The following RNF212 variants were observed in gnomAD, a reference collection of about 807,000 sequenced individuals.
RNF212 encodes probable E3 SUMO-protein ligase RNF212.
RNF212 carries 33 observed loss-of-function variants against 34.7 expected under a neutral mutation model. The ratio of observed to expected loss-of-function variants is 0.95; its 90% CI spans 0.72 to 1.27. The LOEUF is 1.27. RNF212 is among the 50% of genes most tolerant of loss of function. The probability of loss-of-function intolerance (pLI) is 0.00; values close to 1 mark genes in which losing one functional copy is unlikely to be tolerated. For synonymous variants in RNF212, 140 were observed against 136.1 expected (o/e 1.03, Z -0.20); for missense variants, 377 against 362.2 (o/e 1.04, Z -0.33).
intron 1 of RNF212, among the ~76,000 whole-genome samples, chr4:1,110,592 T>C (rs1217910166): frequency 6.6e-6 from 1 of 152,210 alleles, no homozygotes; most frequent in Non-Finnish European, 1.5e-5. Flanking sequence ...AGACTTATTT[T>C]AACACGGAAG....
intron 7 of RNF212, among the ~76,000 whole-genome samples, chr4:1,080,481 G>T (rs1387851205): frequency 6.6e-6 from 1 of 152,148 alleles, no homozygotes; most frequent in Admixed American, 6.5e-5. Flanking sequence ...CCCTGTGGGA[G>T]GGTGGACAAA....
chr4:1,105,471 G>T (rs1252592870), intron 2 of RNF212, among the ~76,000 whole-genome samples: 3 of 152,228 alleles, frequency 2.0e-5, no homozygotes, highest in Non-Finnish European at 2.9e-5. Context: ...GATATCTCAG[G>T]TGGTGACACA....
At chr4:1,103,026 C>T (rs1176181944) in intron 2 of RNF212, among the ~76,000 whole-genome samples, 1 of 150,998 alleles carries the variant, frequency 6.6e-6, no homozygotes, top group East Asian at 1.9e-4. Context: ...GCACACTGGT[C>T]AAGAGAAAAG....
chr4:1,099,943 C>T (rs1264969471), intron 2 of RNF212: 1 of 450,658 alleles, frequency 2.2e-6, no homozygotes, highest in Non-Finnish European at 4.5e-6. Context: ...AAAGAGGGCT[C>T]TTATCATCAT....
At position 1,113,414 on chromosome 4, in the gene RNF212, C is replaced by T; in HGVS notation, c.51G>A (p.Thr17=). 2 of 1,606,554 alleles carry T rather than the reference C, an allele frequency of 1.2e-6. No individual in the cohort carries two copies. Among genetic ancestry groups the T allele is most frequent in the Non-Finnish European group, 8.5e-7 (1 of 1,177,560 alleles). Residue 17 remains threonine, a synonymous_variant, in exon 1 of 10, where the codon ACG becomes ACA. Transcript: ENST00000433731. ...CGCAGTTGGTGAGGCTGAAGCACGA[C>T]GTCCTGTGGGGCGGCTGGAAGCAGC... is the stretch of plus-strand genomic sequence containing the variant. ...CNRCFQPPHR[T]SCFSLTNCGH...
Position 1,073,074 on chromosome 4 carries a change from G to GAGGACAGACGTCT in RNF212, c.681_693dup (p.His232ArgfsTer24). The GAGGACAGACGTCT allele has an allele frequency of 6.2e-7, 1 of 1,614,192 alleles. No homozygotes were observed. The highest frequency in any genetic ancestry group is 1.3e-5 in the African/African-American group (1 of 75,048). The stretch of plus-strand genomic sequence containing the variant: ...CTGAACGCTAGGAGGAGCAGCCAGT[G>GAGGACAGACGTCT]AGGACAGACGTCTATGCAGAAACAT... On this transcript the variant is annotated frameshift_variant, in exon 10 of 10. Coordinates refer to ENST00000433731, the MANE Select transcript of RNF212 (RefSeq NM_001131034.4). LOFTEE classifies it low-confidence loss of function (END_TRUNC).
intron 3 of RNF212, among the ~76,000 whole-genome samples, chr4:1,094,916 TC>T (rs1343068298): frequency 6.6e-6 from 1 of 152,212 alleles, no homozygotes; most frequent in Non-Finnish European, 1.5e-5. Flanking sequence ...ATGAACATTG[TC>T]AAAATCAGAA....
chr4:1,069,735 T>C (rs1274592451), downstream of RNF212, among the ~76,000 whole-genome samples: 1 of 152,226 alleles, frequency 6.6e-6, no homozygotes, highest in African/African-American at 2.4e-5. Flanking sequence ...CCGGAGGAAA[T>C]ACCAGACAAC....
chr4:1,067,846 C>T (rs1428571443), downstream of RNF212, among the ~76,000 whole-genome samples: 3 of 143,924 alleles, frequency 2.1e-5, no homozygotes, highest in African/African-American at 5.2e-5. Context: ...CCAGCCTGGG[C>T]GACACAGCGA....
intron 2 of RNF212, among the ~76,000 whole-genome samples, chr4:1,105,374 T>G (rs1293524779): frequency 6.6e-6 from 1 of 152,216 alleles, no homozygotes; most frequent in Non-Finnish European, 1.5e-5. Context: ...TCCCTGGCCA[T>G]CCACCACCCA....
chr4:1,086,448 G>A (rs534598346), intron 4 of RNF212, among the ~76,000 whole-genome samples: 83 of 150,940 alleles, frequency 5.5e-4, no homozygotes, highest in African/African-American at 2.0e-3. Context: ...GGGAGGATTA[G>A]GAGACAACAT....
intron 2 of RNF212, chr4:1,100,498 C>T (rs1723803607): frequency 6.7e-6 from 1 of 149,816 alleles, no homozygotes; most frequent in Non-Finnish European, 1.5e-5. Context: ...ACCTCCACTC[C>T]CCAGGTTCAA....
At chr4:1,070,616 G>T (rs1353333371), downstream of RNF212, among the ~76,000 whole-genome samples, 1 of 151,252 alleles carries the variant, frequency 6.6e-6, no homozygotes, top group African/African-American at 2.4e-5. Flanking sequence ...GTTGTGGGTG[G>T]TTTTGTAGGA....
At chr4:1,085,695 T>C (rs1488769097) in intron 5 of RNF212, 5 of 594,744 alleles carry the variant, frequency 8.4e-6, no homozygotes, top group African/African-American at 5.6e-5. Context: ...CATCTCTTTT[T>C]CACTTTTTCT....
At chr4:1,108,970 G>A (rs1008241585) in intron 1 of RNF212, among the ~76,000 whole-genome samples, 2 of 151,162 alleles carry the variant, frequency 1.3e-5, no homozygotes. Context: ...CAAAGTGCTG[G>A]GATTGTAGGC....
Position 1,072,601 on chromosome 4 carries a change from A to G in RNF212, c.*273T>C. On this transcript the variant is annotated 3_prime_UTR_variant, in exon 10 of 10. Transcript: ENST00000433731. The stretch of plus-strand genomic sequence containing the variant: ...TTTAAAAACCACCCAGTTAGAAAAA[A>G]ATGATTTAAGTATGTGAAAAAAAAA... 1.0e-6 allele frequency: 1 copy of G among 971,098 alleles called. No individual in the cohort carries two copies. The highest frequency in any genetic ancestry group is 1.3e-6 in the Non-Finnish European group (1 of 784,218). The allele number at this position is 971,098 out of a possible 1,614,324, so 60.2% of individuals were successfully genotyped here. A position where few individuals can be genotyped will look rare whatever the true frequency, so the allele number is the denominator to read the frequency against.
intron 8 of RNF212, among the ~76,000 whole-genome samples, chr4:1,078,999 T>C (rs111419884): frequency 1.3e-4 from 14 of 108,690 alleles, no homozygotes; most frequent in East Asian, 4.7e-4. Flanking sequence ...AGGACCAACA[T>C]AGGACCAACA....
At chr4:1,058,086 A>G (rs573362337) in intron 4 of RNF212, among the ~76,000 whole-genome samples, 78 of 151,698 alleles carry the variant, frequency 5.1e-4, no homozygotes, top group African/African-American at 1.9e-3. Context: ...CAAACTCTAA[A>G]GTGGTATATA....
intron 2 of RNF212, chr4:1,099,740 G>T (rs1391072955): frequency 2.2e-6 from 1 of 456,240 alleles, no homozygotes. Flanking sequence ...CCTTTGCTGC[G>T]TCTGACGTCA....
Sources: gnomAD v4.1 joint callset for allele counts (sites outside exome capture counted in the v4.1 genomes callset) on GRCh38, gnomAD v4.1.1 for gene constraint, MANE v1.5 for transcripts, NCBI Gene and HGNC (gene_info 2026-07-23, HGNC 2026-07-21) for gene names.